Variants in DPP10 observed in about 807,000 individuals in gnomAD.
DPP10 encodes dipeptidyl peptidase like 10, also known as inactive dipeptidyl peptidase 10.
DPP10 carries 33 observed loss-of-function variants against 120.9 expected under a neutral mutation model. The ratio of observed to expected loss-of-function variants is 0.27; its 90% CI spans 0.21 to 0.37. DPP10 has a LOEUF of 0.37. DPP10 is among the 10% of genes least tolerant of loss of function. The pLI, the probability that DPP10 is intolerant of heterozygous loss-of-function variation, is 1.00. For missense variants in DPP10, 816 were observed against 942.8 expected, an observed-to-expected ratio of 0.87 and a Z score of 1.76; for synonymous variants, 337 against 326.1, an observed-to-expected ratio of 1.03 and a Z score of -0.36.
chr2:114,673,792 C>T (rs1698499517), intron 1 of DPP10, among the ~76,000 whole-genome samples: 1 of 152,076 alleles, frequency 6.6e-6, no homozygotes. Context: ...TTTTCTTATT[C>T]TATGAAATAC....
At chr2:115,636,438 C>G (rs1303197477) in intron 5 of DPP10, among the ~76,000 whole-genome samples, 1 of 152,022 alleles carries the variant, frequency 6.6e-6, no homozygotes, top group African/African-American at 2.4e-5. Context: ...GTTTATTTTT[C>G]TCAGGTGTGG....
At chr2:114,918,372 C>T (rs1694955982) in intron 1 of DPP10, among the ~76,000 whole-genome samples, 1 of 152,018 alleles carries the variant, frequency 6.6e-6, no homozygotes, top group South Asian at 2.1e-4. Context: ...GTTTAACCAC[C>T]ATGGAAAGCA....
At chr2:115,005,598 A>C (rs953785943) in intron 1 of DPP10, among the ~76,000 whole-genome samples, 4 of 152,190 alleles carry the variant, frequency 2.6e-5, no homozygotes, top group Non-Finnish European at 5.9e-5. Context: ...GATGTGATCA[A>C]CTGGAAGAAA....
intron 1 of DPP10, among the ~76,000 whole-genome samples, chr2:114,716,012 T>C (rs1701323995): frequency 6.6e-6 from 1 of 151,828 alleles, no homozygotes; most frequent in Non-Finnish European, 1.5e-5. Flanking sequence ...AAAAATAGTG[T>C]GCTAATATTA....
intron 1 of DPP10, among the ~76,000 whole-genome samples, chr2:115,063,226 T>A (rs943813133): frequency 7.2e-5 from 11 of 152,214 alleles, no homozygotes; most frequent in Non-Finnish European, 1.5e-4. Flanking sequence ...TCGTCCACTT[T>A]TTAATGGGGT....
chr2:114,881,968 A>G (rs1485075485), intron 1 of DPP10, among the ~76,000 whole-genome samples: 1 of 152,166 alleles, frequency 6.6e-6, no homozygotes, highest in African/African-American at 2.4e-5. Context: ...TTCTAAAGCT[A>G]TAATAGGCAT....
intron 8 of DPP10, among the ~76,000 whole-genome samples, chr2:115,737,469 G>A (rs1486798909): frequency 1.3e-5 from 2 of 152,092 alleles, no homozygotes; most frequent in African/African-American, 2.4e-5. Context: ...CAGTACAAGC[G>A]ACAATGATCT....
At chr2:115,564,795 C>G (rs1198111637) in intron 5 of DPP10, among the ~76,000 whole-genome samples, 1 of 152,164 alleles carries the variant, frequency 6.6e-6, no homozygotes, top group South Asian at 2.1e-4. Flanking sequence ...CCAAATTTAA[C>G]TGGCAATTTA....
At chr2:115,259,274 G>A (rs1403808188) in intron 1 of DPP10, among the ~76,000 whole-genome samples, 1 of 152,118 alleles carries the variant, frequency 6.6e-6, no homozygotes, top group Admixed American at 6.5e-5. Context: ...CTGAGATTGG[G>A]AGTTCGAGAC....
At chr2:114,753,908 CAAAA>C (rs777798352) in intron 1 of DPP10, among the ~76,000 whole-genome samples, 1,095 of 33,488 alleles carry the variant, frequency 0.033, 4 homozygotes, top group African/African-American at 0.095. Context: ...GACTCCTTCT[CAAAA>C]AAAAAAAAAA....
In DPP10 at chr2:115,023,928, T is replaced by C. The variant is rs141901520; in HGVS notation, c.61-285311T>C. ...CAGCAATAAAAAACCAAGCATCATATGTTCTCACTCATATGTGGGAGCTAA... is the reference window on the plus strand; with the variant it reads ...CAGCAATAAAAAACCAAGCATCATACGTTCTCACTCATATGTGGGAGCTAA... On this transcript the variant is annotated intron_variant, in intron 1 of 25. Transcript: ENST00000410059. Among the ~76,000 whole-genome samples, 439 of 152,208 alleles carry C rather than the reference T, an allele frequency of 2.9e-3. 7 individuals carry two copies. Among genetic ancestry groups the C allele is most frequent in the Non-Finnish European group, 4.0e-3 (274 of 67,990 alleles).
intron 5 of DPP10, among the ~76,000 whole-genome samples, chr2:115,652,987 A>G (rs2087939145): frequency 6.6e-6 from 1 of 152,048 alleles, no homozygotes; most frequent in South Asian, 2.1e-4. Flanking sequence ...TTGTTTACAA[A>G]TGAATTCTCA....
intron 5 of DPP10, among the ~76,000 whole-genome samples, chr2:115,663,273 G>A (rs1440250508): frequency 2.6e-5 from 4 of 152,060 alleles, no homozygotes; most frequent in Non-Finnish European, 5.9e-5. Context: ...TTTAAAAGAT[G>A]ACTTCTTATT....
chr2:115,648,733 G>A (rs2087498559), intron 5 of DPP10, among the ~76,000 whole-genome samples: 1 of 152,118 alleles, frequency 6.6e-6, no homozygotes, highest in Non-Finnish European at 1.5e-5. Flanking sequence ...AGGAAGGATA[G>A]GTAGTGTGAA....
chr2:115,552,405 T>G (rs957041168), intron 5 of DPP10, among the ~76,000 whole-genome samples: 1 of 152,106 alleles, frequency 6.6e-6, no homozygotes, highest in Non-Finnish European at 1.5e-5. Context: ...AATTTTGTCT[T>G]GTACTTCATG....
At chr2:115,605,737 A>G (rs1406875918) in intron 5 of DPP10, among the ~76,000 whole-genome samples, 1 of 152,132 alleles carries the variant, frequency 6.6e-6, no homozygotes, top group African/African-American at 2.4e-5. Flanking sequence ...TTGTAAAAAT[A>G]GAAACTTCTG....
At chr2:115,161,731 A>G (rs891074512) in intron 1 of DPP10, 4 of 395,782 alleles carry the variant, frequency 1.0e-5, no homozygotes, top group Non-Finnish European at 1.8e-5. Flanking sequence ...GGGGGCGGGG[A>G]GAGCGGGGAG....
At chr2:114,676,357 C>A (rs1160934313) in intron 1 of DPP10, among the ~76,000 whole-genome samples, 1 of 152,088 alleles carries the variant, frequency 6.6e-6, no homozygotes, top group Non-Finnish European at 1.5e-5. Flanking sequence ...TTCAACTCTC[C>A]ATAGGACAGT....
chr2:114,719,976 A>T (rs1701600636), intron 1 of DPP10, among the ~76,000 whole-genome samples: 1 of 152,208 alleles, frequency 6.6e-6, no homozygotes, highest in Admixed American at 6.5e-5. Context: ...GACAGACTTC[A>T]GTCTTTCTTC....
Sources: allele counts gnomAD v4.1 joint callset (sites outside exome capture counted in the v4.1 genomes callset), GRCh38; gene constraint gnomAD v4.1.1; transcripts MANE v1.5; gene names NCBI Gene and HGNC (gene_info 2026-07-23, HGNC 2026-07-21).